RAD50: variants seen among roughly 807,000 people sequenced by gnomAD.
RAD50 encodes RAD50 double strand break repair protein, also known as DNA repair protein RAD50.
In RAD50, 132 loss-of-function variants were observed where a neutral mutation model predicts 168.8. The ratio of observed to expected loss-of-function variants is 0.78; its 90% CI spans 0.68 to 0.90. The LOEUF is 0.90. Ranked by LOEUF, RAD50 falls within the 40% of genes least tolerant of loss-of-function variation. RAD50 has a pLI of 0.00. For missense variants in RAD50, 1,347 were observed against 1,534.4 expected (o/e 0.88, Z 2.04); for synonymous variants, 525 against 497.4 (o/e 1.06, Z -0.74).
intron 2 of RAD50, among the ~76,000 whole-genome samples, chr5:132,570,110 G>A (rs12153612): frequency 1.3e-5 from 2 of 152,158 alleles, no homozygotes; most frequent in Admixed American, 6.5e-5. Context: ...AAAACCCTCA[G>A]CATAACTGAT....
chr5:132,604,708 T>G, intron 15 of RAD50, 98 bp from the exon 16 acceptor site: 3 of 1,039,208 alleles, frequency 2.9e-6, no homozygotes, highest in Non-Finnish European at 4.4e-6. Context: ...AGAAATAGCA[T>G]TTGTGGATTC....
intron 4 of RAD50, 100 bp downstream of exon 4, chr5:132,579,602 A>G: frequency 5.5e-6 from 7 of 1,282,554 alleles, no homozygotes; most frequent in Non-Finnish European, 7.8e-6. Flanking sequence ...AAAAGCAGAA[A>G]GGTCATCAGT....
intron 16 of RAD50, 139 bp from the exon 17 acceptor site, chr5:132,608,476 T>C: frequency 1.5e-6 from 1 of 655,494 alleles, no homozygotes. Context: ...ACTGTCCTCA[T>C]AGGGTCATTG....
chr5:132,594,528 G>A (rs757934906), intron 11 of RAD50, among the ~76,000 whole-genome samples: 1 of 152,160 alleles, frequency 6.6e-6, no homozygotes, highest in Non-Finnish European at 1.5e-5. Flanking sequence ...AGGGAATTAC[G>A]GGGATGTTCT....
rs1160592963 is a variant in RAD50 at position 132,619,874 on chromosome 5, A to ATATATATATATATATCTT, written c.3389+1592_3389+1593insTATCTTTATATATATATA. On this transcript the variant is annotated intron_variant, in intron 21 of 24. Coordinates refer to ENST00000378823, the MANE Select transcript of RAD50 (RefSeq NM_005732.4). ...TATAAAGATATATATATATAAAGAT[A>ATATATATATATATATCTT]TATATATATATAGAGAGAGAGAGAG... 7.4e-3 allele frequency among the ~76,000 whole-genome samples: 813 copies of ATATATATATATATATCTT among 110,252 alleles called. 16 individuals carry two copies. Among genetic ancestry groups the ATATATATATATATATCTT allele is most frequent in the African/African-American group, 0.025 (769 of 30,368 alleles). 72.3% of individuals were successfully genotyped at this position (110,252 alleles called of 152,430 possible).
intron 21 of RAD50, among the ~76,000 whole-genome samples, chr5:132,620,203 C>T (rs1017381625): frequency 2.6e-5 from 4 of 152,160 alleles, no homozygotes; most frequent in Non-Finnish European, 5.9e-5. Context: ...CCACGCCCTA[C>T]TTCTATATTT....
chr5:132,627,861 A>C (rs544436957), intron 21 of RAD50, among the ~76,000 whole-genome samples: 1 of 152,186 alleles, frequency 6.6e-6, no homozygotes, highest in Non-Finnish European at 1.5e-5. Context: ...TGTAGTAACC[A>C]AGAGATGGTG....
intron 21 of RAD50, among the ~76,000 whole-genome samples, chr5:132,622,537 G>A (rs143875475): frequency 3.8e-4 from 57 of 150,152 alleles, no homozygotes; most frequent in African/African-American, 1.3e-3. Context: ...TTTATACCTA[G>A]GCCTCCCAAA....
intron 5 of RAD50, among the ~76,000 whole-genome samples, chr5:132,583,921 T>C (rs964968821): frequency 2.0e-5 from 3 of 152,102 alleles, no homozygotes; most frequent in Non-Finnish European, 4.4e-5. Context: ...GGTCTCGAAC[T>C]CCCAACCTCA....
chr5:132,587,657 A>G lies in RAD50; in HGVS notation c.852A>G (p.Lys284=), dbSNP rs753680933. The change falls in exon 6 of 25, where the codon AAA becomes AAG. Residue 284 remains lysine (K), a synonymous_variant. Coordinates refer to ENST00000378823, the MANE Select transcript of RAD50 (RefSeq NM_005732.4). ...ATAGCCGAAAGAAGCAAATGGAGAAAGATAATAGTGAACTGGAAGAGAAAA... is the reference window on the plus strand; with the variant it reads ...ATAGCCGAAAGAAGCAAATGGAGAAGGATAATAGTGAACTGGAAGAGAAAA... ...ALDSRKKQME[K]DNSELEEKME... 3 of 1,613,770 alleles carry G rather than the reference A, an allele frequency of 1.9e-6. No individual in the cohort carries two copies. In the South Asian group the frequency reaches 3.3e-5, roughly 18 times the overall value.
intron 2 of RAD50, among the ~76,000 whole-genome samples, chr5:132,570,859 T>A (rs1750290798): frequency 6.6e-6 from 1 of 152,260 alleles, no homozygotes; most frequent in Non-Finnish European, 1.5e-5. Flanking sequence ...TGTTTTGGAT[T>A]TTGACATGCT....
Position 132,645,532 on chromosome 5 carries a change from C to T in RAD50, c.*3168C>T, listed in dbSNP as rs1389479535. On this transcript the variant is annotated 3_prime_UTR_variant, in exon 25 of 25. Transcript: ENST00000378823. ...CTTATTTGGTGATCTCATCCAGTCT[C>T]ATAGCTTTAAATTATCTTAGTTTGG... 2.0e-5 allele frequency: 3 copies of T among 152,200 alleles called. No homozygotes were observed. Among genetic ancestry groups the T allele is most frequent in the Non-Finnish European group, 2.9e-5 (2 of 68,050 alleles). 9.4% of individuals were successfully genotyped at this position (152,200 alleles called of 1,614,324 possible). A position where few individuals can be genotyped will look rare whatever the true frequency, so the allele number is the denominator to read the frequency against.
At chr5:132,624,376 T>G (rs966000228) in intron 21 of RAD50, among the ~76,000 whole-genome samples, 39 of 152,244 alleles carry the variant, frequency 2.6e-4, no homozygotes, top group Admixed American at 1.2e-3. Flanking sequence ...TTGTTTTTTG[T>G]TTTTTGGTTT....
At position 132,579,386 on chromosome 5, in the gene RAD50, G is replaced by C; in HGVS notation, c.435G>C (p.Gly145=). Residue 145 remains glycine, a synonymous_variant, in exon 4 of 25, where the codon GGG becomes GGC. Transcript: ENST00000378823. ...ACCGAGAAATGATCAGTTCTCTTGG[G>C]GTTTCCAAGGCTGTGCTAAATAATG... ...EIDREMISSL[G]VSKAVLNNVI... is the part of the protein sequence containing the mutation. The C allele has an allele frequency of 2.5e-6, 4 of 1,613,780 alleles. No homozygotes were observed. The highest frequency in any genetic ancestry group is 3.4e-6 in the Non-Finnish European group (4 of 1,179,822).
In RAD50 at chr5:132,609,547, C is replaced by T. The variant is rs546261138; in HGVS notation, c.3036+151C>T. 7.6e-4 allele frequency: 979 copies of T among 1,289,756 alleles called. 4 individuals carry two copies. The African/African-American group carries it at 0.01, about 13-fold the overall frequency. The allele number at this position is 1,289,756 out of a possible 1,614,324, so 79.9% of individuals were successfully genotyped here. A position where few individuals can be genotyped will look rare whatever the true frequency, so the allele number is the denominator to read the frequency against. On this transcript the variant is annotated intron_variant, in intron 19 of 24. Transcript: ENST00000378823. ...CTGTAATCCCTGCACTTTGGAAGGCCGAGGCGGGTGGATCACTTGAGGCCA... is the reference window on the plus strand; with the variant it reads ...CTGTAATCCCTGCACTTTGGAAGGCTGAGGCGGGTGGATCACTTGAGGCCA...
In RAD50 at chr5:132,588,689, C is replaced by T. The variant is rs1341798216; in HGVS notation, c.1054C>T (p.Arg352Cys). ...TTATGAGATTTTTTTTTTAAAAGGT[C>T]GTCTACAGCTGCAAGCAGATCGCCA... ...EKSELLVEQG[R>C]LQLQADRHQE... Residue 352 changes from arginine (R) to cysteine (C), a missense_variant and splice_region_variant, in exon 8 of 25, where the codon CGT becomes TGT. Arg to Cys is a radical substitution (Grantham distance 180, BLOSUM62 -3). Transcript: ENST00000378823. 5 of 1,610,948 alleles carry T rather than the reference C, an allele frequency of 3.1e-6. No homozygotes were observed. Among genetic ancestry groups the T allele is most frequent in the Admixed American group, 1.7e-5 (1 of 59,578 alleles).
At position 132,642,478 on chromosome 5, in the gene RAD50, A is replaced by AT. The variant is rs2149867209; in HGVS notation, c.*116dup. ...AGAAAATATATTCTTTCAAAGGAAC[A>AT]TTGTGTCTAGGATTTTGGATGTTGA... On this transcript the variant is annotated 3_prime_UTR_variant, in exon 25 of 25. Transcript: ENST00000378823. The AT allele has an allele frequency of 9.6e-7, 1 of 1,038,414 alleles. No homozygotes were observed. Among genetic ancestry groups the AT allele is most frequent in the East Asian group, 2.6e-5 (1 of 38,858 alleles). 64.3% of individuals were successfully genotyped at this position (1,038,414 alleles called of 1,614,324 possible).
rs562306468 is a variant in RAD50, at chr5:132,586,268, T to A, written c.757-1294T>A. On this transcript the variant is annotated intron_variant, in intron 5 of 24. Coordinates refer to ENST00000378823, the MANE Select transcript of RAD50 (RefSeq NM_005732.4). ...ACCCTGCCTTCTAATCTTATTGTTA[T>A]CTTGTCTCCCAATCTTAACTATACA... 3.3e-5 allele frequency among the ~76,000 whole-genome samples: 5 copies of A among 152,308 alleles called. No homozygotes were observed. In the South Asian group the frequency reaches 1.0e-3, roughly 32 times the overall value.
At chr5:132,622,351 G>A (rs537111072) in intron 21 of RAD50, among the ~76,000 whole-genome samples, 160 of 152,142 alleles carry the variant, frequency 1.1e-3, no homozygotes, top group Admixed American at 1.8e-3. Context: ...TACAGATGGG[G>A]TTTTGTCATG....
Sources: gnomAD v4.1 joint callset for allele counts (sites outside exome capture counted in the v4.1 genomes callset) on GRCh38, gnomAD v4.1.1 for gene constraint, MANE v1.5 for transcripts, NCBI Gene and HGNC (gene_info 2026-07-23, HGNC 2026-07-21) for gene names.